The following SEMA6D variants were observed in gnomAD, a reference collection of about 807,000 sequenced individuals.
SEMA6D encodes the protein semaphorin-6D.
SEMA6D carries 35 observed loss-of-function variants against 106.6 expected under a neutral mutation model. That is an observed-to-expected ratio of 0.33 (90% CI 0.25 to 0.44). The LOEUF is 0.44. Ranked by LOEUF, SEMA6D falls within the 20% of genes least tolerant of loss-of-function variation. The probability of loss-of-function intolerance (pLI) is 1.00; values close to 1 mark genes in which losing one functional copy is unlikely to be tolerated. For missense variants in SEMA6D, 1,185 were observed against 1,345.9 expected, an observed-to-expected ratio of 0.88 and a Z score of 1.87; for synonymous variants, 499 against 487.7, an observed-to-expected ratio of 1.02 and a Z score of -0.31.
chr15:47,349,370 C>T (rs1194280972), intron 1 of SEMA6D, among the ~76,000 whole-genome samples: 6 of 152,134 alleles, frequency 3.9e-5, no homozygotes, highest in African/African-American at 4.8e-5. Context: ...TTTATTTGTT[C>T]GTCCTTCATG....
chr15:47,677,073 G>A (rs1437140186), intron 4 of SEMA6D, among the ~76,000 whole-genome samples: 1 of 152,094 alleles, frequency 6.6e-6, no homozygotes, highest in African/African-American at 2.4e-5. Context: ...TAATGCTGCT[G>A]TTCTGACAGG....
chr15:47,393,000 T>G (rs983435862), intron 1 of SEMA6D, among the ~76,000 whole-genome samples: 2 of 152,236 alleles, frequency 1.3e-5, no homozygotes, highest in African/African-American at 4.8e-5. Context: ...TCTGAATTGC[T>G]GCTAATCAAG....
intron 2 of SEMA6D, among the ~76,000 whole-genome samples, chr15:47,435,968 A>G (rs1360294725): frequency 6.6e-6 from 1 of 152,116 alleles, no homozygotes; most frequent in African/African-American, 2.4e-5. Flanking sequence ...CTAAAGCAGT[A>G]AGAAATCCAC....
chr15:47,654,934 G>A (rs1399464898), intron 4 of SEMA6D, among the ~76,000 whole-genome samples: 1 of 152,074 alleles, frequency 6.6e-6, no homozygotes, highest in Non-Finnish European at 1.5e-5. Flanking sequence ...TGCAAGAATG[G>A]CCTAATACAA....
At chr15:47,760,581 A>T (rs1222826402) in intron 3 of SEMA6D, among the ~76,000 whole-genome samples, 166 bp downstream of exon 3, 1 of 152,166 alleles carries the variant, frequency 6.6e-6, no homozygotes, top group Non-Finnish European at 1.5e-5. Context: ...GGAACAAAAT[A>T]CAGAGCTCAA....
chr15:47,184,852 G>A (rs1893440364), intron 1 of SEMA6D, among the ~76,000 whole-genome samples: 1 of 152,260 alleles, frequency 6.6e-6, no homozygotes, highest in African/African-American at 2.4e-5. Context: ...TCGGCAGCCG[G>A]CTGAACCGCC....
intron 1 of SEMA6D, among the ~76,000 whole-genome samples, chr15:47,202,796 G>A (rs1011741590): frequency 1.1e-4 from 17 of 152,096 alleles, no homozygotes; most frequent in Non-Finnish European, 1.6e-4. Flanking sequence ...GGCAAGAATT[G>A]AGGTTGCTTC....
At chr15:47,536,266 G>C (rs964638260) in intron 3 of SEMA6D, among the ~76,000 whole-genome samples, 2 of 152,126 alleles carry the variant, frequency 1.3e-5, no homozygotes, top group Non-Finnish European at 2.9e-5. Context: ...CATAAATGGT[G>C]GTTACTTTGA....
intron 1 of SEMA6D, among the ~76,000 whole-genome samples, chr15:47,242,830 T>A (rs988643830): frequency 1.5e-4 from 23 of 152,124 alleles, no homozygotes; most frequent in Admixed American, 6.6e-5. Flanking sequence ...TACATTACAT[T>A]TTAGTACATA....
At chr15:47,746,772 G>A (rs1167297261) in intron 1 of SEMA6D, among the ~76,000 whole-genome samples, 2 of 152,112 alleles carry the variant, frequency 1.3e-5, no homozygotes, top group Non-Finnish European at 2.9e-5. Flanking sequence ...GGAACCTTGA[G>A]CCCTTCCTTT....
At chr15:47,601,793 A>C (rs1394376104) in intron 4 of SEMA6D, among the ~76,000 whole-genome samples, 1 of 152,230 alleles carries the variant, frequency 6.6e-6, no homozygotes, top group Non-Finnish European at 1.5e-5. Flanking sequence ...CTGGCTTTCT[A>C]GGTATTAACT....
intron 1 of SEMA6D, among the ~76,000 whole-genome samples, chr15:47,219,201 C>T (rs2030955148): frequency 6.6e-6 from 1 of 152,134 alleles, no homozygotes; most frequent in African/African-American, 2.4e-5. Context: ...TGGATGGCTG[C>T]CATGCACTTG....
intron 2 of SEMA6D, among the ~76,000 whole-genome samples, chr15:47,462,013 G>A (rs1335119086): frequency 1.3e-5 from 2 of 152,040 alleles, no homozygotes; most frequent in Admixed American, 6.6e-5. Flanking sequence ...TTACTATTTG[G>A]TGATTCTAGA....
At chr15:47,366,452 C>G (rs530476782) in intron 1 of SEMA6D, among the ~76,000 whole-genome samples, 2 of 152,220 alleles carry the variant, frequency 1.3e-5, no homozygotes, top group African/African-American at 4.8e-5. Flanking sequence ...AGGATATAGT[C>G]CCTGCCTGTT....
chr15:47,634,670 G>A (rs1334152853), intron 4 of SEMA6D, among the ~76,000 whole-genome samples: 1 of 152,118 alleles, frequency 6.6e-6, no homozygotes, highest in East Asian at 1.9e-4. Context: ...CATTAAGGAG[G>A]CTCAACCCAC....
chr15:47,603,643 G>A (rs950853207), intron 4 of SEMA6D, among the ~76,000 whole-genome samples: 5 of 151,992 alleles, frequency 3.3e-5, no homozygotes, highest in African/African-American at 4.8e-5. Context: ...ACAAATGTGC[G>A]AAAAGTCCCT....
chr15:47,236,349 G>T (rs976242186), intron 1 of SEMA6D, among the ~76,000 whole-genome samples: 1 of 151,958 alleles, frequency 6.6e-6, no homozygotes, highest in African/African-American at 2.4e-5. Flanking sequence ...TTCATGTGGG[G>T]TTCTCTCCAC....
chr15:47,240,568 C>A lies in SEMA6D; in HGVS notation c.-239+56150C>A, dbSNP rs148521630. Among the ~76,000 whole-genome samples the A allele has an allele frequency of 2.5e-3, 382 of 152,162 alleles. 3 individuals carry two copies. Among genetic ancestry groups the A allele is most frequent in the African/African-American group, 8.7e-3 (362 of 41,518 alleles). ...ATTTAGTCTCTATGATTTTGTACAT[C>A]GTGCATTGGGATCTCCATGGAATTT... On this transcript the variant is annotated intron_variant, in intron 1 of 19. Transcript: ENST00000558014.
At chr15:47,192,946 G>A (rs1894065422) in intron 1 of SEMA6D, among the ~76,000 whole-genome samples, 2 of 152,170 alleles carry the variant, frequency 1.3e-5, no homozygotes, top group African/African-American at 4.8e-5. Flanking sequence ...AGAATTAACT[G>A]CTAAAAGACA....
Sources: gnomAD v4.1 joint callset for allele counts (sites outside exome capture counted in the v4.1 genomes callset) on GRCh38, gnomAD v4.1.1 for gene constraint, MANE v1.5 for transcripts, NCBI Gene and HGNC (gene_info 2026-07-23, HGNC 2026-07-21) for gene names.